The following PACS2 variants were observed in gnomAD, a reference collection of about 807,000 sequenced individuals.
The protein encoded by PACS2 is PACS1-like protein.
Under a neutral mutation model 113.0 loss-of-function variants are expected in PACS2, and 36 were observed. The observed-to-expected ratio is 0.32, with a 90% CI of 0.24 to 0.42. The LOEUF (loss-of-function observed/expected upper bound fraction) is 0.42, where lower values mean the gene tolerates loss of function less well. Among genes scored for constraint, PACS2 ranks in the 10% least tolerant of loss-of-function variants. The probability of loss-of-function intolerance (pLI) is 1.00; values close to 1 mark genes in which losing one functional copy is unlikely to be tolerated. For missense variants in PACS2, 1,015 were observed against 1,239.5 expected (o/e 0.82, Z 2.72); for synonymous variants, 589 against 536.1 (o/e 1.10, Z -1.36).
At chr14:105,363,661 G>A (rs1043866166) in intron 4 of PACS2, among the ~76,000 whole-genome samples, 1 of 152,202 alleles carries the variant, frequency 6.6e-6, no homozygotes, top group Admixed American at 6.5e-5. Flanking sequence ...CTGCTCTGCT[G>A]ATTCTCCTTC....
chr14:105,364,695 CTTTTT>C (rs1166883985), intron 4 of PACS2, among the ~76,000 whole-genome samples: 1 of 126,068 alleles, frequency 7.9e-6, no homozygotes, highest in African/African-American at 3.1e-5. Flanking sequence ...ATTTTCTTTT[CTTTTT>C]TTTTTTTTTT....
At chr14:105,328,003 C>T (rs114380480) in intron 1 of PACS2, among the ~76,000 whole-genome samples, 2,000 of 152,332 alleles carry the variant, frequency 0.013, 46 homozygotes, top group African/African-American at 0.045. Context: ...CCAGGCCACC[C>T]GAGGTTTCAC....
intron 1 of PACS2, among the ~76,000 whole-genome samples, chr14:105,328,173 C>T (rs1219487112): frequency 6.6e-6 from 1 of 152,200 alleles, no homozygotes; most frequent in African/African-American, 2.4e-5. Flanking sequence ...TGGAGGTGCA[C>T]GGAGAAGAGA....
At chr14:105,360,920 C>T (rs1555406335) in intron 4 of PACS2, among the ~76,000 whole-genome samples, 1 of 152,130 alleles carries the variant, frequency 6.6e-6, no homozygotes, top group African/African-American at 2.4e-5. Flanking sequence ...GAGCAGATTC[C>T]ATCTTAAGAA....
Position 105,348,755 on chromosome 14 carries a change from C to A in PACS2, c.207+175C>A. On this transcript the variant is annotated intron_variant, in intron 2 of 24. Transcript: ENST00000447393. This position sits in a 1 kb window ranked among gnomAD's most constrained non-coding sequence, Gnocchi z 6.4. ...TGACAGGATGCTCCTGGGTCCAGTC[C>A]TGTCCCGCACAAGGGAGGCAGGCCC... 1.7e-6 allele frequency: 1 copy of A among 602,104 alleles called. No individual in the cohort carries two copies. Among genetic ancestry groups the A allele is most frequent in the Non-Finnish European group, 3.0e-6 (1 of 336,134 alleles). 37.3% of individuals were successfully genotyped at this position (602,104 alleles called of 1,614,324 possible).
intron 1 of PACS2, among the ~76,000 whole-genome samples, chr14:105,337,871 C>T (rs1252330359): frequency 6.6e-6 from 1 of 152,180 alleles, no homozygotes; most frequent in South Asian, 2.1e-4. Context: ...ACCCTTGCTC[C>T]GTTGGGACAT....
At chr14:105,384,533 T>G in intron 17 of PACS2, 70 bp downstream of exon 17, 1 of 944,146 alleles carries the variant, frequency 1.1e-6, no homozygotes, top group East Asian at 2.6e-5. Flanking sequence ...CCAGATGCTG[T>G]GCCCAGGAGG....
intron 1 of PACS2, among the ~76,000 whole-genome samples, chr14:105,345,582 C>T (rs1038513884): frequency 6.6e-6 from 1 of 152,204 alleles, no homozygotes; most frequent in South Asian, 2.1e-4. Flanking sequence ...TCCTTTGAGA[C>T]TTCCTTTGAT....
At chr14:105,353,096 C>T (rs2060280679) in intron 3 of PACS2, among the ~76,000 whole-genome samples, 1 of 131,610 alleles carries the variant, frequency 7.6e-6, no homozygotes, top group Non-Finnish European at 1.6e-5. Context: ...ACAGGCCCCC[C>T]CCATCACTGT....
chr14:105,343,756 C>T (rs2059820476), intron 1 of PACS2, among the ~76,000 whole-genome samples: 1 of 150,012 alleles, frequency 6.7e-6, no homozygotes, highest in Non-Finnish European at 1.5e-5. Context: ...AGTGCAGTGG[C>T]GCGACCTCAG....
At chr14:105,339,903 C>T (rs912894686) in intron 1 of PACS2, among the ~76,000 whole-genome samples, 4 of 152,184 alleles carry the variant, frequency 2.6e-5, no homozygotes, top group Non-Finnish European at 5.9e-5. Flanking sequence ...CTCGGCCTCC[C>T]GAAGTCCTGG....
rs1347154105 is a variant in PACS2 at position 105,382,572 on chromosome 14, G to T, written c.1509G>T (p.Trp503Cys). Residue 503 changes from tryptophan to cysteine, a missense_variant, in exon 14 of 25, where the codon TGG (tryptophan) becomes TGT (cysteine). This residue lies in a region of PACS2 where 859 missense variants were observed against 1,056.8 expected (regional missense o/e 0.81). Transcript: ENST00000447393. ...TCATCCTTGTCAACACCTCGGACTG[G>T]CAGGGGCAGGTAGAGGGGCAGTCTC... ...ENIILVNTSD[W>C]QGQFLSDVLQ... 4 of 1,600,664 alleles carry T rather than the reference G, an allele frequency of 2.5e-6. No homozygotes were observed. The highest frequency in any genetic ancestry group is 3.4e-6 in the Non-Finnish European group (4 of 1,168,090).
upstream of PACS2, among the ~76,000 whole-genome samples, chr14:105,312,620 TCTC>T (rs149862484): frequency 0.016 from 2,374 of 152,246 alleles, 80 homozygotes; most frequent in African/African-American, 0.055. Flanking sequence ...CTTCAGGGGA[TCTC>T]CTCCTGTGAC....
intron 15 of PACS2, 80 bp downstream of exon 15, chr14:105,382,993 G>A: frequency 1.2e-6 from 1 of 840,384 alleles, no homozygotes; most frequent in South Asian, 1.4e-5. Flanking sequence ...CATTGCTCCG[G>A]GGCTAGGTGC....
At chr14:105,325,188 A>C in intron 1 of PACS2, among the ~76,000 whole-genome samples, 1 of 63,302 alleles carries the variant, frequency 1.6e-5, no homozygotes, top group African/African-American at 6.6e-5. Flanking sequence ...GCTCGGACAC[A>C]GTGGTTGTGG....
At chr14:105,345,819 T>C (rs1420649293) in intron 1 of PACS2, among the ~76,000 whole-genome samples, 3 of 152,204 alleles carry the variant, frequency 2.0e-5, no homozygotes, top group African/African-American at 2.4e-5. Flanking sequence ...TCCTCTTGCA[T>C]TGTGTTGAGT....
At chr14:105,352,280 A>G (rs1555404138) in intron 2 of PACS2, 98 bp from the exon 3 acceptor site, 7 of 787,444 alleles carry the variant, frequency 8.9e-6, no homozygotes, top group Non-Finnish European at 4.5e-6. Flanking sequence ...CAGGGCTGCA[A>G]TCCTGCCAGT....
intron 2 of PACS2, among the ~76,000 whole-genome samples, chr14:105,351,420 C>T (rs1304782306): frequency 6.6e-6 from 1 of 152,208 alleles, no homozygotes; most frequent in Non-Finnish European, 1.5e-5. Context: ...TCATGCATTT[C>T]CTGCACCTAC....
At chr14:105,337,920 C>T (rs587630194) in intron 1 of PACS2, among the ~76,000 whole-genome samples, 2 of 152,342 alleles carry the variant, frequency 1.3e-5, no homozygotes, top group African/African-American at 4.8e-5. Flanking sequence ...ACATGTGCAC[C>T]CCCAGGGGCA....
Sources: allele counts gnomAD v4.1 joint callset (sites outside exome capture counted in the v4.1 genomes callset), GRCh38; gene constraint gnomAD v4.1.1; regional missense constraint gnomAD v4.1.1; non-coding constraint Gnocchi (gnomAD v3.1); transcripts MANE v1.5; gene names NCBI Gene and HGNC (gene_info 2026-07-23, HGNC 2026-07-21).